Variants in SDK1 observed in about 807,000 individuals in gnomAD.
SDK1 encodes the protein protein sidekick-1.
In SDK1, 157 loss-of-function variants were observed where a neutral mutation model predicts 245.5. The observed-to-expected ratio is 0.64, with a 90% CI of 0.56 to 0.73. SDK1 has a LOEUF of 0.73. SDK1 is among the 30% of genes least tolerant of loss of function. The pLI is 0.00. For missense variants in SDK1, 3,583 were observed against 3,002.3 expected (o/e 1.19, Z -4.52); for synonymous variants, 1,647 against 1,278.5 (o/e 1.29, Z -6.15).
intron 4 of SDK1, among the ~76,000 whole-genome samples, chr7:3,798,580 G>C (rs1271993443): frequency 1.3e-5 from 2 of 152,154 alleles, no homozygotes; most frequent in Admixed American, 1.3e-4. Context: ...ATTTGGACTT[G>C]TCTGATGGTT....
At chr7:3,532,351 T>C (rs1325559340) in intron 1 of SDK1, among the ~76,000 whole-genome samples, 1 of 152,054 alleles carries the variant, frequency 6.6e-6, no homozygotes, top group African/African-American at 2.4e-5. Context: ...TTTTTATTAG[T>C]TGTTATCAGG....
intron 1 of SDK1, among the ~76,000 whole-genome samples, chr7:3,585,676 G>C (rs1307201829): frequency 6.6e-6 from 1 of 152,160 alleles, no homozygotes; most frequent in African/African-American, 2.4e-5. Context: ...GTGCTGAGGT[G>C]GCTCTGAGAG....
intron 5 of SDK1, among the ~76,000 whole-genome samples, chr7:3,909,420 C>T (rs1259044642): frequency 6.6e-6 from 1 of 152,208 alleles, no homozygotes; most frequent in Non-Finnish European, 1.5e-5. Context: ...AGCCTCTGCC[C>T]ATCCTGAGGG....
chr7:3,404,031 G>A (rs796459993), intron 1 of SDK1, among the ~76,000 whole-genome samples: 4 of 151,162 alleles, frequency 2.6e-5, no homozygotes, highest in African/African-American at 9.7e-5. Flanking sequence ...CTATTTTGTA[G>A]TCTGTTAAGT....
chr7:3,928,525 T>C (rs1322402784), intron 5 of SDK1, among the ~76,000 whole-genome samples: 1 of 152,188 alleles, frequency 6.6e-6, no homozygotes, highest in Non-Finnish European at 1.5e-5. Flanking sequence ...TGATTTTATC[T>C]AGCTTTAATT....
chr7:4,055,599 C>T (rs1779146370), intron 19 of SDK1, among the ~76,000 whole-genome samples: 1 of 151,582 alleles, frequency 6.6e-6, no homozygotes, highest in South Asian at 2.1e-4. Context: ...TTCCAGGTCT[C>T]CTCTTCTTCA....
intron 1 of SDK1, among the ~76,000 whole-genome samples, chr7:3,526,145 A>T (rs1339423221): frequency 2.0e-5 from 3 of 152,062 alleles, no homozygotes; most frequent in African/African-American, 7.2e-5. Context: ...AGGCAGGAGA[A>T]TTGCTTGAAC....
intron 5 of SDK1, among the ~76,000 whole-genome samples, chr7:3,939,817 A>C (rs1211651690): frequency 6.6e-6 from 1 of 152,240 alleles, no homozygotes; most frequent in Non-Finnish European, 1.5e-5. Flanking sequence ...TGCAGACAGG[A>C]AAGCTCTTAA....
At chr7:3,609,280 G>T (rs1781516725) in intron 1 of SDK1, among the ~76,000 whole-genome samples, 1 of 152,154 alleles carries the variant, frequency 6.6e-6, no homozygotes. Context: ...CAAAAACTTT[G>T]AGAACTGCTG....
rs1191124848 is a variant in SDK1, at chr7:4,265,842, G to A, written c.*458G>A. On this transcript the variant is annotated 3_prime_UTR_variant, in exon 45 of 45. Coordinates refer to ENST00000404826, the MANE Select transcript of SDK1 (RefSeq NM_152744.4). The stretch of plus-strand genomic sequence containing the variant: ...ACCAGCGGCTCACACCCTTCTCAAC[G>A]CAGGACATCCTCGGCGGCTCCTGGG... 1.0e-6 allele frequency: 1 copy of A among 992,086 alleles called. No homozygotes were observed. Among genetic ancestry groups the A allele is most frequent in the Non-Finnish European group, 1.2e-6 (1 of 835,080 alleles). The allele number at this position is 992,086 out of a possible 1,614,324, so 61.5% of individuals were successfully genotyped here.
At position 3,757,586 on chromosome 7, in the gene SDK1, C is replaced by A. The variant is rs114759497; in HGVS notation, c.714-63864C>A. The stretch of plus-strand genomic sequence containing the variant: ...CCAATTTATTATAAAGGATACAACT[C>A]AGGAATAGCGAAATTGAGGAGATGC... On this transcript the variant is annotated intron_variant, in intron 4 of 44. Coordinates refer to ENST00000404826, the MANE Select transcript of SDK1 (RefSeq NM_152744.4). Among the ~76,000 whole-genome samples the A allele has an allele frequency of 7.2e-3, 1,093 of 152,196 alleles. 10 individuals are homozygous for A. The highest frequency in any genetic ancestry group is 0.025 in the African/African-American group (1,044 of 41,540).
intron 5 of SDK1, among the ~76,000 whole-genome samples, chr7:3,940,615 C>G (rs376965363): frequency 6.6e-6 from 1 of 151,770 alleles, no homozygotes; most frequent in Non-Finnish European, 1.5e-5. Context: ...GGCTGAGGCA[C>G]TTTGGGAGAC....
intron 5 of SDK1, among the ~76,000 whole-genome samples, chr7:3,857,077 C>T (rs1022994412): frequency 6.6e-6 from 1 of 152,004 alleles, no homozygotes; most frequent in African/African-American, 2.4e-5. Context: ...AAAATCAACT[C>T]CTATTAACTG....
intron 5 of SDK1, among the ~76,000 whole-genome samples, chr7:3,880,462 C>T (rs1415865357): frequency 6.6e-6 from 1 of 151,668 alleles, no homozygotes; most frequent in Non-Finnish European, 1.5e-5. Flanking sequence ...CCAACACCAG[C>T]GCCTCTCTGG....
chr7:3,309,136 T>G (rs1390291823), intron 1 of SDK1, among the ~76,000 whole-genome samples: 1 of 152,184 alleles, frequency 6.6e-6, no homozygotes, highest in African/African-American at 2.4e-5. Context: ...TCCCTCTCTC[T>G]GGTGTGATCC....
In SDK1 at chr7:3,358,608, G is replaced by A. The variant is rs1005283572; in HGVS notation, c.298+56724G>A. Among the ~76,000 whole-genome samples the A allele has an allele frequency of 3.3e-5, 5 of 152,166 alleles. No individual in the cohort carries two copies. The East Asian group carries it at 9.6e-4, about 29-fold the overall frequency. The stretch of plus-strand genomic sequence containing the variant: ...AAATTTTTCTGTAAAGACAATCTCA[G>A]AATTAAGTGCTTTCAGGAATTACTA... On this transcript the variant is annotated intron_variant, in intron 1 of 44. Coordinates refer to ENST00000404826, the MANE Select transcript of SDK1 (RefSeq NM_152744.4).
chr7:3,317,465 T>A (rs1583673899), intron 1 of SDK1, among the ~76,000 whole-genome samples: 1 of 152,196 alleles, frequency 6.6e-6, no homozygotes, highest in Non-Finnish European at 1.5e-5. Context: ...TTTAGATGAT[T>A]CTGCCCCTTC....
At chr7:3,555,957 C>A (rs1000567459) in intron 1 of SDK1, among the ~76,000 whole-genome samples, 1 of 152,132 alleles carries the variant, frequency 6.6e-6, no homozygotes, top group African/African-American at 2.4e-5. Flanking sequence ...AATCCTCATA[C>A]ACTATCGGTG....
chr7:3,724,931 G>C (rs1778966494), intron 4 of SDK1, among the ~76,000 whole-genome samples: 1 of 152,194 alleles, frequency 6.6e-6, no homozygotes, highest in Non-Finnish European at 1.5e-5. Flanking sequence ...TTCCTGGCTG[G>C]GGTTTAAATG....
Sources: allele counts gnomAD v4.1 joint callset (sites outside exome capture counted in the v4.1 genomes callset), GRCh38; gene constraint gnomAD v4.1.1; transcripts MANE v1.5; gene names NCBI Gene and HGNC (gene_info 2026-07-23, HGNC 2026-07-21).